Variants in ESRRG observed in about 807,000 individuals in gnomAD.
ESRRG encodes the protein estrogen-related receptor gamma.
In ESRRG, 13 loss-of-function variants were observed where a neutral mutation model predicts 44.0. That is an observed-to-expected ratio of 0.30 (90% CI 0.19 to 0.47). The LOEUF is 0.47. ESRRG is among the 20% of genes least tolerant of loss of function. The probability of loss-of-function intolerance (pLI) is 1.00; values close to 1 mark genes in which losing one functional copy is unlikely to be tolerated. For missense variants in ESRRG, 395 were observed against 580.6 expected (o/e 0.68, Z 3.29); for synonymous variants, 215 against 214.6 (o/e 1.00, Z -0.02).
chr1:217,107,677 G>T (rs80274742), intron 1 of ESRRG, among the ~76,000 whole-genome samples: 1 of 152,102 alleles, frequency 6.6e-6, no homozygotes, highest in East Asian at 1.9e-4. Context: ...ACTTAATGCT[G>T]AAATGTATGA....
intron 1 of ESRRG, among the ~76,000 whole-genome samples, chr1:217,062,937 G>A (rs185112614): frequency 2.0e-5 from 3 of 152,250 alleles, no homozygotes; most frequent in East Asian, 3.9e-4. Flanking sequence ...TAAGGTGCAC[G>A]CTACTTCATC....
intron 2 of ESRRG, among the ~76,000 whole-genome samples, chr1:216,784,047 TC>T (rs2094032257): frequency 6.6e-6 from 1 of 152,060 alleles, no homozygotes; most frequent in Admixed American, 6.6e-5. Flanking sequence ...AGGCAGTTCC[TC>T]CTGAGCAAAT....
chr1:216,565,407 A>G (rs1463948110), intron 4 of ESRRG, among the ~76,000 whole-genome samples: 3 of 152,212 alleles, frequency 2.0e-5, no homozygotes, highest in Non-Finnish European at 4.4e-5. Context: ...ATTACTGTAG[A>G]AAACCAGGAC....
intron 1 of ESRRG, among the ~76,000 whole-genome samples, chr1:217,097,387 C>T (rs2092439690): frequency 1.3e-5 from 2 of 152,170 alleles, no homozygotes; most frequent in Non-Finnish European, 2.9e-5. Flanking sequence ...ATTTCCCAAT[C>T]AGACTTAAAA....
At chr1:216,585,519 A>G (rs1300333601) in intron 3 of ESRRG, among the ~76,000 whole-genome samples, 4 of 152,190 alleles carry the variant, frequency 2.6e-5, no homozygotes, top group African/African-American at 9.7e-5. Context: ...ACTGAAAAAA[A>G]AAAATGGGGG....
At chr1:217,059,423 T>A (rs1032406583) in intron 1 of ESRRG, among the ~76,000 whole-genome samples, 3 of 152,100 alleles carry the variant, frequency 2.0e-5, no homozygotes, top group African/African-American at 7.2e-5. Context: ...GATTGTAGTC[T>A]TCAAATAATA....
chr1:217,051,779 T>C (rs576624310), intron 1 of ESRRG, among the ~76,000 whole-genome samples: 1 of 152,284 alleles, frequency 6.6e-6, no homozygotes, highest in African/African-American at 2.4e-5. Context: ...CTCCTTTTTT[T>C]AAAGACAGGG....
chr1:216,628,953 T>C (rs540178852), intron 3 of ESRRG, among the ~76,000 whole-genome samples: 100 of 152,130 alleles, frequency 6.6e-4, no homozygotes, highest in Non-Finnish European at 1.0e-3. Flanking sequence ...CCTCTGAGCT[T>C]GTGCAATGAC....
intron 1 of ESRRG, among the ~76,000 whole-genome samples, chr1:216,702,089 G>A (rs187084795): frequency 6.6e-6 from 1 of 152,180 alleles, no homozygotes; most frequent in Non-Finnish European, 1.5e-5. Context: ...AAAGCAAGTA[G>A]TTATCGCTAA....
Position 216,584,941 on chromosome 1 carries a change from A to G in ESRRG, c.590-16843T>C, listed in dbSNP as rs1573554279. Among the ~76,000 whole-genome samples, 6 of 152,254 alleles carry G rather than the reference A, an allele frequency of 3.9e-5. No homozygotes were observed. In the South Asian group the frequency reaches 1.2e-3, roughly 31 times the overall value. On this transcript the variant is annotated intron_variant, in intron 3 of 6. Coordinates refer to ENST00000408911, the MANE Select transcript of ESRRG (RefSeq NM_001438.4). ...AATGATGGTAAGTATTAAACCTTTC[A>G]GATGCCATAGGGCCAAAGTTATTCA... is the stretch of plus-strand genomic sequence containing the variant.
At chr1:216,983,402 T>G (rs1042053811) in intron 1 of ESRRG, among the ~76,000 whole-genome samples, 1 of 151,978 alleles carries the variant, frequency 6.6e-6, no homozygotes. Flanking sequence ...TGGCTAACTT[T>G]TGTATTTTTT....
Position 216,525,548 on chromosome 1 carries a change from C to T in ESRRG, c.863-6127G>A, listed in dbSNP as rs190684155. On this transcript the variant is annotated intron_variant, in intron 5 of 6. Transcript: ENST00000408911. The stretch of plus-strand genomic sequence containing the variant: ...TTAAAGAGGGAAATCTAATGGCTTT[C>T]TTTTCCTACAACCTTTATTTTTTAC... Among the ~76,000 whole-genome samples, 278 of 152,262 alleles carry T rather than the reference C, an allele frequency of 1.8e-3. 3 individuals carry two copies. Among genetic ancestry groups the T allele is most frequent in the African/African-American group, 6.5e-3 (270 of 41,562 alleles).
chr1:216,509,648 TCTTTCAAGG>T, intron 6 of ESRRG, among the ~76,000 whole-genome samples: 1 of 152,282 alleles, frequency 6.6e-6, no homozygotes, highest in Non-Finnish European at 1.5e-5. Context: ...TTCAAACTAT[TCTTTCAAGG>T]CTGTGATTTA....
At chr1:217,098,331 A>G (rs1169238139) in intron 1 of ESRRG, among the ~76,000 whole-genome samples, 2 of 152,126 alleles carry the variant, frequency 1.3e-5, no homozygotes, top group African/African-American at 4.8e-5. Context: ...ATGGTATTTT[A>G]CCATTTAGAA....
intron 1 of ESRRG, among the ~76,000 whole-genome samples, chr1:217,054,292 T>TG (rs954195357): frequency 2.0e-5 from 3 of 152,260 alleles, no homozygotes; most frequent in Non-Finnish European, 2.9e-5. Flanking sequence ...AAGGTCATAC[T>TG]GGGGGGGAGC....
chr1:217,025,673 G>A (rs908016729), intron 1 of ESRRG, among the ~76,000 whole-genome samples: 1 of 152,036 alleles, frequency 6.6e-6, no homozygotes, highest in African/African-American at 2.4e-5. Flanking sequence ...AACCCTTATG[G>A]GTCCAAACAC....
intron 5 of ESRRG, among the ~76,000 whole-genome samples, chr1:216,562,528 A>C (rs1279477131): frequency 2.6e-5 from 4 of 151,990 alleles, no homozygotes; most frequent in Non-Finnish European, 5.9e-5. Context: ...CCTGGAGGAC[A>C]TTTGAGGCTG....
At chr1:216,725,527 A>T (rs2087338164), upstream of ESRRG, among the ~76,000 whole-genome samples, 1 of 152,176 alleles carries the variant, frequency 6.6e-6, no homozygotes, top group Non-Finnish European at 1.5e-5. Flanking sequence ...TTTGCAAAAG[A>T]AACATGATTT....
chr1:216,913,152 C>T (rs986039543), intron 2 of ESRRG, among the ~76,000 whole-genome samples: 18 of 134,562 alleles, frequency 1.3e-4, no homozygotes, highest in African/African-American at 3.8e-4. Flanking sequence ...GACAGAAAAA[C>T]GAAAATATTT....
Sources: allele counts gnomAD v4.1 joint callset (sites outside exome capture counted in the v4.1 genomes callset), GRCh38; gene constraint gnomAD v4.1.1; transcripts MANE v1.5; gene names NCBI Gene and HGNC (gene_info 2026-07-23, HGNC 2026-07-21).